TCERG1: variants seen among roughly 807,000 people sequenced by gnomAD.
The protein encoded by TCERG1 is TATA box binding protein (TBP)-associated factor, RNA polymerase II, S, 150kD.
Under a neutral mutation model 144.7 loss-of-function variants are expected in TCERG1, and 37 were observed. That is an observed-to-expected ratio of 0.26 (90% CI 0.20 to 0.34). The LOEUF (loss-of-function observed/expected upper bound fraction) is 0.34. Ranked by LOEUF, TCERG1 falls within the 10% of genes least tolerant of loss-of-function variation. TCERG1 has a pLI of 1.00. For synonymous variants in TCERG1, 492 were observed against 458.2 expected (o/e 1.07, Z -0.94); for missense variants, 1,027 against 1,380.7 (o/e 0.74, Z 4.06).
At chr5:146,478,278 G>A (rs746474104) in intron 9 of TCERG1, 28 of 391,026 alleles carry the variant, frequency 7.2e-5, no homozygotes, top group Non-Finnish European at 1.1e-4. Flanking sequence ...TGCATTTCTT[G>A]GTTTTCTCAG....
chr5:146,494,879 C>G (rs1312201818), intron 16 of TCERG1, among the ~76,000 whole-genome samples: 5 of 152,126 alleles, frequency 3.3e-5, no homozygotes, highest in Non-Finnish European at 7.4e-5. Context: ...CTCCCTGTCA[C>G]TCACCACCAG....
intron 9 of TCERG1, among the ~76,000 whole-genome samples, chr5:146,475,726 G>C (rs926261796): frequency 6.6e-6 from 1 of 152,128 alleles, no homozygotes. Flanking sequence ...GCATAACTGT[G>C]TTAAGGGTTG....
At chr5:146,483,894 A>C (rs1765584827) in intron 15 of TCERG1, among the ~76,000 whole-genome samples, 1 of 152,088 alleles carries the variant, frequency 6.6e-6, no homozygotes, top group Non-Finnish European at 1.5e-5. Context: ...GTATGGTTTT[A>C]AAATTGATTT....
At chr5:146,478,866 CTTTAA>C (rs554301911) in intron 10 of TCERG1, among the ~76,000 whole-genome samples, 67 of 152,100 alleles carry the variant, frequency 4.4e-4, no homozygotes, top group African/African-American at 1.2e-3. Flanking sequence ...ATATGTGTGT[CTTTAA>C]TTTATTGTCC....
chr5:146,503,764 C>T, intron 18 of TCERG1, 60 bp from the exon 19 acceptor site: 3 of 1,510,396 alleles, frequency 2.0e-6, no homozygotes, highest in Non-Finnish European at 2.7e-6. Flanking sequence ...GCTAGTTATT[C>T]TGTAAAAACA....
At chr5:146,458,754 C>G in intron 3 of TCERG1, 130 bp from the exon 4 acceptor site, 3 of 1,307,960 alleles carry the variant, frequency 2.3e-6, no homozygotes, top group Non-Finnish European at 3.1e-6. Context: ...GCTGGGATTA[C>G]AGGAATGAGC....
chr5:146,493,094 G>C, intron 16 of TCERG1, 56 bp downstream of exon 16: 1 of 1,235,264 alleles, frequency 8.1e-7, no homozygotes, highest in Non-Finnish European at 1.1e-6. Flanking sequence ...CCTAAGATCA[G>C]TTTTTAAAAA....
intron 9 of TCERG1, among the ~76,000 whole-genome samples, chr5:146,474,971 C>T (rs531133623): frequency 2.6e-5 from 4 of 152,098 alleles, no homozygotes; most frequent in African/African-American, 4.8e-5. Flanking sequence ...ATCCGAGGTA[C>T]GCCTGTCTAC....
chr5:146,488,737 G>A (rs555026830), intron 15 of TCERG1, among the ~76,000 whole-genome samples: 16 of 152,208 alleles, frequency 1.1e-4, no homozygotes, highest in Admixed American at 5.9e-4. Context: ...GTATTGAAAG[G>A]AAAAGACATC....
intron 4 of TCERG1, 72 bp from the exon 5 acceptor site, chr5:146,463,479 G>A: frequency 6.3e-7 from 1 of 1,591,558 alleles, no homozygotes; most frequent in Admixed American, 1.7e-5. Flanking sequence ...TACTGAATGT[G>A]TAAATGATGA....
Position 146,507,830 on chromosome 5 carries a change from A to G in TCERG1, c.2962-43A>G, listed in dbSNP as rs371778428. The G allele has an allele frequency of 1.7e-3, 2,499 of 1,430,242 alleles. 6 individuals are homozygous for G. Among genetic ancestry groups the G allele is most frequent in the Non-Finnish European group, 2.0e-3 (2,016 of 1,028,130 alleles). The allele number at this position is 1,430,242 out of a possible 1,614,324, so 88.6% of individuals were successfully genotyped here. A position where few individuals can be genotyped will look rare whatever the true frequency, so the allele number is the denominator to read the frequency against. Reference sequence around the variant, plus strand: ...GTGCTGCAGTTTGACTCCCTAAGTAAAAGTGAGTTGTATTTATGTTTTTTA... The same window carrying G: ...GTGCTGCAGTTTGACTCCCTAAGTAGAAGTGAGTTGTATTTATGTTTTTTA... On this transcript the variant is annotated intron_variant, in intron 20 of 22. Transcript: ENST00000679501. The surrounding 1 kb of genome is among the most constrained non-coding windows in gnomAD (Gnocchi z 4.6).
chr5:146,502,025 G>A (rs1767516533), intron 17 of TCERG1, among the ~76,000 whole-genome samples: 1 of 150,936 alleles, frequency 6.6e-6, no homozygotes, highest in Admixed American at 6.6e-5. Context: ...CTCCCAAGTA[G>A]CTGGGTTTAC....
intron 15 of TCERG1, among the ~76,000 whole-genome samples, chr5:146,486,092 T>C (rs186044998): frequency 0.063 from 9,620 of 152,274 alleles, 414 homozygotes; most frequent in Non-Finnish European, 0.085. Context: ...ATAAACACGT[T>C]TTTTGAATAC....
rs543730179 is a variant in TCERG1 at position 146,511,536 on chromosome 5, T to C, written c.*894T>C. The stretch of plus-strand genomic sequence containing the variant: ...TGTATTGTATATGATTATTGTTACT[T>C]AATTTTTAAGAGCTTATTTTAACCT... On this transcript the variant is annotated 3_prime_UTR_variant, in exon 23 of 23. Coordinates refer to ENST00000679501, the MANE Select transcript of TCERG1 (RefSeq NM_001382548.1). 6.9e-6 allele frequency: 1 copy of C among 145,770 alleles called. No individual in the cohort carries two copies. Among genetic ancestry groups the C allele is most frequent in the South Asian group, 2.3e-4 (1 of 4,296 alleles). The allele number at this position is 145,770 out of a possible 1,614,324, so 9.0% of individuals were successfully genotyped here.
Position 146,507,145 on chromosome 5 carries a change from A to G in TCERG1, c.2899A>G (p.Ile967Val), listed in dbSNP as rs1768076287. 6.2e-7 allele frequency: 1 copy of G among 1,612,608 alleles called. No homozygotes were observed. The highest frequency in any genetic ancestry group is 2.2e-5 in the East Asian group (1 of 44,832). The part of the protein sequence containing the change: ...EEKEKLFNEH[I>V]EALTKKKREH... The stretch of plus-strand genomic sequence containing the variant: ...GAAAGAGAAGCTTTTTAATGAACAC[A>G]TTGAAGCACTTACCAAAAAAAAGAG... Residue 967 changes from isoleucine to valine, a missense_variant, in exon 20 of 23, where the codon ATT becomes GTT. Physicochemically the swap from Ile to Val is conservative, Grantham distance 29. Coordinates refer to ENST00000679501, the MANE Select transcript of TCERG1 (RefSeq NM_001382548.1). This position sits in a 1 kb window ranked among gnomAD's most constrained non-coding sequence, Gnocchi z 4.6.
chr5:146,459,093 GGCCCAGGCCCAGGCCCAAGCCCAA>G lies in TCERG1; in HGVS notation c.663_686del (p.Ala235_Gln242del). On this transcript the variant is annotated inframe_deletion, in exon 4 of 23. Coordinates refer to ENST00000679501, the MANE Select transcript of TCERG1 (RefSeq NM_001382548.1). ...AGGCTCAGGCCCAGGCCCAGGCCCA[GGCCCAGGCCCAGGCCCAAGCCCAA>G]GCCCAGGCCCAGGCTCAGGCTCAGG... is the stretch of plus-strand genomic sequence containing the variant. The G allele has an allele frequency of 5.9e-4, 914 of 1,559,812 alleles. No homozygotes were observed. Among genetic ancestry groups the G allele is most frequent in the Non-Finnish European group, 7.5e-4 (858 of 1,137,400 alleles).
At chr5:146,508,657 T>C (rs1003748358) in intron 21 of TCERG1, among the ~76,000 whole-genome samples, 3 of 152,348 alleles carry the variant, frequency 2.0e-5, no homozygotes, top group Admixed American at 6.5e-5. Flanking sequence ...ATTCATCTTA[T>C]TACTTTTGGC....
chr5:146,471,839 C>T (rs556938738), intron 9 of TCERG1, among the ~76,000 whole-genome samples: 27 of 152,218 alleles, frequency 1.8e-4, no homozygotes, highest in East Asian at 5.8e-4. Context: ...CCTCGTGATC[C>T]GCCCGCCTCG....
At chr5:146,451,613 G>A (rs908339726) in intron 1 of TCERG1, among the ~76,000 whole-genome samples, 1 of 151,464 alleles carries the variant, frequency 6.6e-6, no homozygotes, top group East Asian at 2.0e-4. Context: ...GTGAGCCACC[G>A]GGGGGCGTCC....
Sources: gnomAD v4.1 joint callset for allele counts (sites outside exome capture counted in the v4.1 genomes callset) on GRCh38, gnomAD v4.1.1 for gene constraint, Gnocchi (gnomAD v3.1) non-coding constraint, MANE v1.5 for transcripts, NCBI Gene and HGNC (gene_info 2026-07-23, HGNC 2026-07-21) for gene names.